Variants in FYB2 observed in about 807,000 individuals in gnomAD.
The protein encoded by FYB2 is FYN-binding protein 2.
FYB2 carries 103 observed loss-of-function variants against 94.1 expected under a neutral mutation model. The ratio of observed to expected loss-of-function variants is 1.09; its 90% CI spans 0.93 to 1.29. The LOEUF is 1.29. FYB2 is among the 50% of genes most tolerant of loss of function. The probability of loss-of-function intolerance (pLI) is 0.00; values close to 1 mark genes in which losing one functional copy is unlikely to be tolerated. For missense variants in FYB2, 896 were observed against 841.5 expected (o/e 1.06, Z -0.80); for synonymous variants, 293 against 287.9 (o/e 1.02, Z -0.18).
At chr1:56,747,190 C>T (rs752426792) in intron 9 of FYB2, among the ~76,000 whole-genome samples, 1 of 151,590 alleles carries the variant, frequency 6.6e-6, no homozygotes, top group African/African-American at 2.4e-5. Flanking sequence ...GATACATAAA[C>T]GGTATATGTA....
At chr1:56,764,543 C>G (rs895960748) in intron 5 of FYB2, among the ~76,000 whole-genome samples, 9 of 118,620 alleles carry the variant, frequency 7.6e-5, no homozygotes, top group Admixed American at 2.3e-4. Context: ...TTAGTTCTAA[C>G]ATTGTCATTT....
In FYB2 at chr1:56,786,430, C is replaced by T. The variant is rs768661949; in HGVS notation, c.953+745G>A. On this transcript the variant is annotated intron_variant, in intron 4 of 19. Coordinates refer to ENST00000343433, the MANE Select transcript of FYB2 (RefSeq NM_001004303.5). ...CTATTACAAAACTTAACACACTTTA[C>T]CATTGTAAACATTTGATAAAGGAAT... 9.2e-5 allele frequency among the ~76,000 whole-genome samples: 14 copies of T among 152,290 alleles called. No individual in the cohort carries two copies. The Middle Eastern group carries it at 0.01, about 111-fold the overall frequency.
intron 4 of FYB2, among the ~76,000 whole-genome samples, chr1:56,772,444 T>C (rs1645779936): frequency 1.3e-5 from 2 of 152,190 alleles, no homozygotes; most frequent in Admixed American, 1.3e-4. Flanking sequence ...CTTTTACCTT[T>C]ATCCCTGGTC....
chr1:56,773,900 T>A (rs1432414561), intron 4 of FYB2, among the ~76,000 whole-genome samples: 1 of 152,118 alleles, frequency 6.6e-6, no homozygotes, highest in Non-Finnish European at 1.5e-5. Flanking sequence ...ACCATCTGAT[T>A]TCTCAATTGT....
intron 5 of FYB2, among the ~76,000 whole-genome samples, chr1:56,765,762 G>A (rs563693895): frequency 8.5e-5 from 13 of 152,254 alleles, no homozygotes; most frequent in African/African-American, 3.1e-4. Context: ...CTTCCTTGGG[G>A]CCTGATGTCC....
intron 9 of FYB2, among the ~76,000 whole-genome samples, chr1:56,745,851 G>A (rs1056432715): frequency 7.9e-5 from 12 of 151,714 alleles, no homozygotes; most frequent in African/African-American, 2.4e-4. Context: ...ACTCTTCCTC[G>A]GTTACTCTGT....
At chr1:56,819,564 C>T, upstream of FYB2, 2 of 573,846 alleles carry the variant, frequency 3.5e-6, no homozygotes, top group Non-Finnish European at 6.2e-6. Flanking sequence ...CCTGCCAAGC[C>T]CACCTCTTCT....
intron 12 of FYB2, 88 bp downstream of exon 12, chr1:56,742,073 G>A: frequency 8.9e-7 from 1 of 1,128,274 alleles, no homozygotes; most frequent in East Asian, 2.4e-5. Flanking sequence ...GGGCTGGGGG[G>A]CGGATGGTGG....
chr1:56,722,534 T>A (rs1644505817), intron 17 of FYB2, among the ~76,000 whole-genome samples: 1 of 152,078 alleles, frequency 6.6e-6, no homozygotes, highest in Admixed American at 6.6e-5. Context: ...ATGCCTCGAC[T>A]GGGTCTTGAT....
rs759230439 is a variant in FYB2, at chr1:56,789,067, C to A, written c.825G>T (p.Leu275=). Residue 275 remains leucine, a synonymous_variant, in exon 3 of 20, where the codon CTG becomes CTT. Transcript: ENST00000343433. ...TTGAAGGCTTTGGGGGAGGAGGACCCAGGGAGTCGATGGAGGGCAATGGCT... is the reference window on the plus strand; with the variant it reads ...TTGAAGGCTTTGGGGGAGGAGGACCAAGGGAGTCGATGGAGGGCAATGGCT... ...KTKPLPSIDS[L]GPPPPKPSRP... 1.9e-6 allele frequency: 3 copies of A among 1,613,544 alleles called. No individual in the cohort carries two copies. The highest frequency in any genetic ancestry group is 2.2e-5 in the South Asian group (2 of 90,976).
At chr1:56,802,869 C>T in intron 1 of FYB2, among the ~76,000 whole-genome samples, 1 of 152,170 alleles carries the variant, frequency 6.6e-6, no homozygotes, top group Non-Finnish European at 1.5e-5. Context: ...GCCATTAGAA[C>T]TTTCATCTAA....
intron 7 of FYB2, 34 bp downstream of exon 7, chr1:56,755,862 G>A (rs1645316110): frequency 6.3e-7 from 1 of 1,574,866 alleles, no homozygotes; most frequent in Non-Finnish European, 8.7e-7. Flanking sequence ...TCAGTGCTTG[G>A]ACAGGTGCTT....
intron 4 of FYB2, among the ~76,000 whole-genome samples, chr1:56,776,055 C>A (rs918645325): frequency 1.3e-5 from 2 of 152,150 alleles, no homozygotes; most frequent in Non-Finnish European, 2.9e-5. Context: ...TGCTAAGTAG[C>A]AGAGGTGGGT....
chr1:56,750,925 G>A (rs1645182046), intron 9 of FYB2, 119 bp downstream of exon 9: 2 of 1,226,914 alleles, frequency 1.6e-6, no homozygotes, highest in Non-Finnish European at 2.2e-6. Flanking sequence ...ACTAGGGCAA[G>A]TTGCTTGGCA....
At chr1:56,806,323 G>C (rs1367723029) in intron 1 of FYB2, among the ~76,000 whole-genome samples, 1 of 152,184 alleles carries the variant, frequency 6.6e-6, no homozygotes, top group African/African-American at 2.4e-5. Context: ...TCAAAAGGGG[G>C]AATGAGATTA....
Position 56,793,554 on chromosome 1 carries a change from A to C in FYB2, c.10-751T>G, listed in dbSNP as rs181507520. Reference sequence around the variant, plus strand: ...TACACATGGACATAAAGATGAAAACAAAAGGCACTGGAGACTATGAGAGGG... The same window carrying C: ...TACACATGGACATAAAGATGAAAACCAAAGGCACTGGAGACTATGAGAGGG... On this transcript the variant is annotated intron_variant, in intron 1 of 19. Transcript: ENST00000343433. Among the ~76,000 whole-genome samples, 58 of 152,284 alleles carry C rather than the reference A, an allele frequency of 3.8e-4. No homozygotes were observed. In the Middle Eastern group the frequency reaches 0.01, roughly 27 times the overall value.
At chr1:56,755,771 T>C (rs1645313675) in intron 7 of FYB2, 125 bp downstream of exon 7, 3 of 899,604 alleles carry the variant, frequency 3.3e-6, no homozygotes, top group East Asian at 4.9e-5. Context: ...CCTTGCAAGG[T>C]GCCGGGGAAA....
chr1:56,754,012 G>A (rs544529348), intron 7 of FYB2, 77 bp from the exon 8 acceptor site: 3 of 847,920 alleles, frequency 3.5e-6, no homozygotes, highest in Non-Finnish European at 5.8e-6. Context: ...AATCCTAAAT[G>A]AAATGAATGG....
chr1:56,752,658 T>C (rs1645227467), intron 8 of FYB2, among the ~76,000 whole-genome samples: 1 of 152,098 alleles, frequency 6.6e-6, no homozygotes, highest in African/African-American at 2.4e-5. Context: ...TCCTTCAATG[T>C]AGTCCCATAA....
Sources: gnomAD v4.1 joint callset for allele counts (sites outside exome capture counted in the v4.1 genomes callset) on GRCh38, gnomAD v4.1.1 for gene constraint, MANE v1.5 for transcripts, NCBI Gene and HGNC (gene_info 2026-07-23, HGNC 2026-07-21) for gene names.